The following ERV3-1 variants were observed in gnomAD, a reference collection of about 807,000 sequenced individuals.
ERV3-1 encodes the protein endogenous retrovirus group 3 member 1 Env polyprotein.
Under a neutral mutation model 24.6 loss-of-function variants are expected in ERV3-1, and 36 were observed. The observed-to-expected ratio is 1.47, with a 90% CI of 1.12 to 1.94. The LOEUF (loss-of-function observed/expected upper bound fraction) is 1.94, where lower values mean the gene tolerates loss of function less well. Ranked by LOEUF, ERV3-1 falls within the 30% of genes most tolerant of loss-of-function variation. The pLI is 0.00. For synonymous variants in ERV3-1, 211 were observed against 122.6 expected (o/e 1.72, Z -4.76); for missense variants, 578 against 330.9 (o/e 1.75, Z -5.79).
In ERV3-1 at chr7:64,992,104, G is replaced by T; in HGVS notation, c.923C>A (p.Ala308Glu). 1 of 766,402 alleles carries T rather than the reference G, an allele frequency of 1.3e-6. No individual in the cohort carries two copies. Among genetic ancestry groups the T allele is most frequent in the Admixed American group, 1.7e-5 (1 of 59,030 alleles). The allele number at this position is 766,402 out of a possible 1,614,324, so 47.5% of individuals were successfully genotyped here. ...MNMGDQWPWEARELMPQDNFT... is the reference protein window; with the variant it reads ...MNMGDQWPWEERELMPQDNFT... Reference sequence around the variant, plus strand: ...ATTATCTTGGGGCATTAGTTCCCTTGCTTCCCATGGCCATTGGTCTCCCAT... The same window carrying T: ...ATTATCTTGGGGCATTAGTTCCCTTTCTTCCCATGGCCATTGGTCTCCCAT... Residue 308 changes from alanine to glutamate, a missense_variant, in exon 2 of 2, where the codon GCA becomes GAA. Physicochemically the swap from Ala to Glu is moderately radical, Grantham distance 107. Transcript: ENST00000394323.
At position 65,002,363 on chromosome 7, in the gene ERV3-1, G is replaced by A. The variant is rs149385376; in HGVS notation, c.-389+4178C>T. On this transcript the variant is annotated intron_variant, in intron 1 of 1. Coordinates refer to ENST00000394323, the MANE Select transcript of ERV3-1 (RefSeq NM_001007253.4). Reference sequence around the variant, plus strand: ...TTTTGAGATGGAGTCTCACTCTGTCGCCCAGACTAGAGTGTAGTGGCACGA... The same window carrying A: ...TTTTGAGATGGAGTCTCACTCTGTCACCCAGACTAGAGTGTAGTGGCACGA... Among the ~76,000 whole-genome samples the A allele has an allele frequency of 2.9e-3, 439 of 152,202 alleles. 1 individual carries two copies. Among genetic ancestry groups the A allele is most frequent in the African/African-American group, 7.9e-3 (329 of 41,520 alleles).
chr7:64,998,820 T>G (rs930276723), intron 1 of ERV3-1, among the ~76,000 whole-genome samples: 3 of 152,124 alleles, frequency 2.0e-5, no homozygotes, highest in African/African-American at 7.2e-5. Flanking sequence ...GGTTCCACAC[T>G]TCACTCAGAT....
At position 64,993,308 on chromosome 7, in the gene ERV3-1, T is replaced by C. The variant is rs547454907; in HGVS notation, c.-282A>G. The C allele has an allele frequency of 1.7e-5, 6 of 347,298 alleles. No individual in the cohort carries two copies. Among genetic ancestry groups the C allele is most frequent in the African/African-American group, 1.2e-4 (6 of 48,646 alleles). The allele number at this position is 347,298 out of a possible 1,614,324, so 21.5% of individuals were successfully genotyped here. A position where few individuals can be genotyped will look rare whatever the true frequency, so the allele number is the denominator to read the frequency against. On this transcript the variant is annotated 5_prime_UTR_variant, in exon 2 of 2. Transcript: ENST00000394323. ...TCTCACTGGCACCTTGGTTCCATCG[T>C]AGGATCAGCTGGGTTGCATGGTCTA...
chr7:64,995,512 C>T (rs372270597), intron 1 of ERV3-1, among the ~76,000 whole-genome samples: 239 of 152,198 alleles, frequency 1.6e-3, no homozygotes, highest in African/African-American at 5.3e-3. Context: ...TCCTTTTCAC[C>T]CTCCCTTGTG....
chr7:64,993,558 C>G (rs1354495479), intron 1 of ERV3-1, 144 bp from the exon 2 acceptor site: 1 of 152,970 alleles, frequency 6.5e-6, no homozygotes, highest in Admixed American at 6.5e-5. Context: ...TATGGGCATT[C>G]TTTCCTGTAC....
intron 1 of ERV3-1, among the ~76,000 whole-genome samples, chr7:65,001,017 C>T (rs933489580): frequency 3.3e-5 from 5 of 152,042 alleles, no homozygotes; most frequent in African/African-American, 7.2e-5. Context: ...AGAGAAACAA[C>T]GGTCACTGAG....
At position 64,990,910 on chromosome 7, in the gene ERV3-1, G is replaced by A; in HGVS notation, c.*302C>T. 9.0e-6 allele frequency: 2 copies of A among 221,680 alleles called. No homozygotes were observed. The highest frequency in any genetic ancestry group is 1.9e-4 in the East Asian group (2 of 10,292). The allele number at this position is 221,680 out of a possible 1,614,324, so 13.7% of individuals were successfully genotyped here. A position where few individuals can be genotyped will look rare whatever the true frequency, so the allele number is the denominator to read the frequency against. On this transcript the variant is annotated 3_prime_UTR_variant, in exon 2 of 2. Transcript: ENST00000394323. ...ACTTGTTTTTCCTTTTATATTTCCT[G>A]CTTCATTCCCCCCTTTGATGCTTTT...
intron 1 of ERV3-1, among the ~76,000 whole-genome samples, chr7:65,000,601 A>G (rs2129124075): frequency 6.6e-6 from 1 of 152,296 alleles, no homozygotes; most frequent in Non-Finnish European, 1.5e-5. Flanking sequence ...CAACGTGGCA[A>G]AACCACATCT....
In ERV3-1 at chr7:64,992,364, C is replaced by T. The variant is rs760461312; in HGVS notation, c.663G>A (p.Gly221=). 1 of 766,286 alleles carries T rather than the reference C, an allele frequency of 1.3e-6. No homozygotes were observed. The highest frequency in any genetic ancestry group is 2.4e-6 in the Non-Finnish European group (1 of 417,898). The allele number at this position is 766,286 out of a possible 1,614,324, so 47.5% of individuals were successfully genotyped here. A position where few individuals can be genotyped will look rare whatever the true frequency, so the allele number is the denominator to read the frequency against. ...CAATTTCTTCACCGCTGACTCGTGCCCCTAGCGGTGCTTTTAAACCTGTTG... is the reference window on the plus strand; with the variant it reads ...CAATTTCTTCACCGCTGACTCGTGCTCCTAGCGGTGCTTTTAAACCTGTTG... ...IWTTGLKAPL[G]ARVSGEEIGP... is the part of the protein sequence containing the mutation. The change falls in exon 2 of 2, where the codon GGG becomes GGA. Residue 221 remains glycine, a synonymous_variant. Transcript: ENST00000394323.
intron 1 of ERV3-1, among the ~76,000 whole-genome samples, chr7:64,994,355 C>T (rs1438573929): frequency 1.3e-5 from 2 of 152,130 alleles, no homozygotes; most frequent in South Asian, 2.1e-4. Flanking sequence ...TGGGAATGGC[C>T]GACCTCCCAT....
At chr7:65,003,530 A>G (rs1000628260) in intron 1 of ERV3-1, 1 of 152,174 alleles carries the variant, frequency 6.6e-6, no homozygotes, top group Non-Finnish European at 1.5e-5. Context: ...CAGGCTCAAT[A>G]TTAGCATTAG....
At position 64,992,431 on chromosome 7, in the gene ERV3-1, GA is replaced by G. The variant is rs759605009; in HGVS notation, c.595del (p.Ser199LeufsTer2). 1.3e-6 allele frequency: 1 copy of G among 766,390 alleles called. No individual in the cohort carries two copies. The highest frequency in any genetic ancestry group is 2.4e-5 in the East Asian group (1 of 41,240). 47.5% of individuals were successfully genotyped at this position (766,390 alleles called of 1,614,324 possible). ...EPDCKTSTCN[S>X]VNLTILEPDQ... ...TGGCTCTAAGATGGTAAGATTTACA[GA>G]ATTGCAAGTGCTTGTTTTACAATCT... On this transcript the variant is annotated frameshift_variant, in exon 2 of 2. Transcript: ENST00000394323. LOFTEE classifies it high-confidence loss of function.
rs138378166 is a variant in ERV3-1 at position 64,992,080 on chromosome 7, T to C, written c.947A>G (p.Asn316Ser). 1.3e-6 allele frequency: 1 copy of C among 766,356 alleles called. No individual in the cohort carries two copies. Among genetic ancestry groups the C allele is most frequent in the East Asian group, 2.4e-5 (1 of 41,232 alleles). 47.5% of individuals were successfully genotyped at this position (766,356 alleles called of 1,614,324 possible). The change falls in exon 2 of 2, where the codon AAT becomes AGT. Residue 316 changes from asparagine to serine, a missense_variant. Physicochemically the swap from Asn to Ser is conservative, Grantham distance 46. Coordinates refer to ENST00000394323, the MANE Select transcript of ERV3-1 (RefSeq NM_001007253.4). ...WEARELMPQD[N>S]FTLTASSLEP... ...GAGGGAAGAGGCGGTTAGTGTGAAA[T>C]TATCTTGGGGCATTAGTTCCCTTGC...
At chr7:64,998,069 G>A (rs1305616016) in intron 1 of ERV3-1, among the ~76,000 whole-genome samples, 3 of 152,102 alleles carry the variant, frequency 2.0e-5, no homozygotes, top group African/African-American at 7.2e-5. Flanking sequence ...CCTTTGAGGT[G>A]TAGCCTGGAG....
In ERV3-1 at chr7:64,991,560, A is replaced by C; in HGVS notation, c.1467T>G (p.Ile489Met). 1 of 704,002 alleles carries C rather than the reference A, an allele frequency of 1.4e-6. No homozygotes were observed. The highest frequency in any genetic ancestry group is 1.5e-5 in the South Asian group (1 of 67,598). The allele number at this position is 704,002 out of a possible 1,614,324, so 43.6% of individuals were successfully genotyped here. Residue 489 changes from isoleucine (I) to methionine (M), a missense_variant, in exon 2 of 2, where the codon ATT becomes ATG. By Grantham distance (10) the Ile-to-Met change is conservative (BLOSUM62 1). Coordinates refer to ENST00000394323, the MANE Select transcript of ERV3-1 (RefSeq NM_001007253.4). The part of the protein sequence containing the change: ...KDNEWPPERI[I>M]QYYGPATWAE... ...CCCAGGTGGCTGGGCCATAATATTG[A>C]ATTATTCTTTCAGGAGGCCATTCAT...
intron 1 of ERV3-1, among the ~76,000 whole-genome samples, chr7:64,993,705 G>A (rs1341668255): frequency 3.3e-5 from 5 of 152,074 alleles, no homozygotes; most frequent in Non-Finnish European, 7.4e-5. Context: ...TTCATAGGGC[G>A]AATACCCAGT....
At position 64,993,233 on chromosome 7, in the gene ERV3-1, C is replaced by A; in HGVS notation, c.-207G>T. The A allele has an allele frequency of 1.8e-6, 1 of 564,536 alleles. No individual in the cohort carries two copies. Among genetic ancestry groups the A allele is most frequent in the Non-Finnish European group, 3.2e-6 (1 of 316,644 alleles). 35.0% of individuals were successfully genotyped at this position (564,536 alleles called of 1,614,324 possible). On this transcript the variant is annotated 5_prime_UTR_variant, in exon 2 of 2. Coordinates refer to ENST00000394323, the MANE Select transcript of ERV3-1 (RefSeq NM_001007253.4). The stretch of plus-strand genomic sequence containing the variant: ...GGCTGTTGTCTCCTCAAGCTTCAGC[C>A]GTGTGTGGACTGGTCAGCTTCCGGA...
intron 1 of ERV3-1, chr7:65,003,596 T>G (rs1254072155): frequency 6.6e-6 from 1 of 152,236 alleles, no homozygotes; most frequent in Admixed American, 6.5e-5. Flanking sequence ...TCACTTGGTT[T>G]TTGAAACTGA....
chr7:64,998,751 G>C (rs1393131008), intron 1 of ERV3-1, among the ~76,000 whole-genome samples: 1 of 151,908 alleles, frequency 6.6e-6, no homozygotes, highest in African/African-American at 2.4e-5. Context: ...ATAAGTTGTG[G>C]GGCACCTCCC....
Sources: gnomAD v4.1 joint callset for allele counts (sites outside exome capture counted in the v4.1 genomes callset) on GRCh38, gnomAD v4.1.1 for gene constraint, MANE v1.5 for transcripts, NCBI Gene and HGNC (gene_info 2026-07-23, HGNC 2026-07-21) for gene names.